GSE1: variants seen among roughly 807,000 people sequenced by gnomAD.
The protein encoded by GSE1 is Gse1 coiled-coil protein, also known as genetic suppressor element 1.
GSE1 carries 32 observed loss-of-function variants against 112.6 expected under a neutral mutation model. The observed-to-expected ratio is 0.28, with a 90% CI of 0.21 to 0.38. The LOEUF is 0.38. Ranked by LOEUF, GSE1 falls within the 10% of genes least tolerant of loss-of-function variation. The probability of loss-of-function intolerance (pLI) is 1.00; values close to 1 mark genes in which losing one functional copy is unlikely to be tolerated. For missense variants in GSE1, 2,348 were observed against 1,699.2 expected (o/e 1.38, Z -6.71); for synonymous variants, 1,115 against 735.6 (o/e 1.52, Z -8.35).
At chr16:85,323,585 C>A (rs1006871468) in intron 1 of GSE1, among the ~76,000 whole-genome samples, 2 of 152,140 alleles carry the variant, frequency 1.3e-5, no homozygotes, top group African/African-American at 4.8e-5. Flanking sequence ...AAATGAGGGA[C>A]CCCAATCCCA....
At chr16:85,327,618 A>C (rs2046253282) in intron 1 of GSE1, among the ~76,000 whole-genome samples, 1 of 152,120 alleles carries the variant, frequency 6.6e-6, no homozygotes, top group Admixed American at 6.5e-5. Context: ...AACAAAACAA[A>C]ACATAAACAA....
intron 2 of GSE1, among the ~76,000 whole-genome samples, chr16:85,469,127 G>C (rs375946045): frequency 7.2e-5 from 11 of 152,200 alleles, no homozygotes; most frequent in Admixed American, 3.3e-4. Flanking sequence ...GTGGTGACAC[G>C]GGCCTGTAAT....
At chr16:85,229,941 G>A (rs1224326714) in intron 1 of GSE1, among the ~76,000 whole-genome samples, 1 of 152,216 alleles carries the variant, frequency 6.6e-6, no homozygotes, top group African/African-American at 2.4e-5. Context: ...TCTCCCAGGA[G>A]GTTTGTGCAA....
intron 1 of GSE1, among the ~76,000 whole-genome samples, chr16:85,199,789 CA>C (rs2074995268): frequency 6.6e-6 from 1 of 152,054 alleles, no homozygotes; most frequent in Non-Finnish European, 1.5e-5. Flanking sequence ...CGGTTTTGAG[CA>C]GGGGTGTGAT....
rs1047001383 is a variant in GSE1 at position 85,419,072 on chromosome 16, G to C, written c.2464+61429G>C. The stretch of plus-strand genomic sequence containing the variant: ...GTTGGATATTTGAGTCTGGAGCTAT[G>C]AATGTGGGCGTCCCAGCGCACAGAT... On this transcript the variant is annotated intron_variant, in intron 2 of 2. Transcript: ENST00000637419. This position sits in a 1 kb window ranked among gnomAD's most constrained non-coding sequence, Gnocchi z 6.5. 5.3e-5 allele frequency among the ~76,000 whole-genome samples: 8 copies of C among 152,160 alleles called. No homozygotes were observed. Among genetic ancestry groups the C allele is most frequent in the African/African-American group, 1.9e-4 (8 of 41,424 alleles).
chr16:85,535,665 T>G (rs1330321750), intron 2 of GSE1, among the ~76,000 whole-genome samples: 3 of 152,114 alleles, frequency 2.0e-5, no homozygotes, highest in Non-Finnish European at 4.4e-5. Context: ...GGACCCCCAG[T>G]AGGTCCTATC....
intron 1 of GSE1, among the ~76,000 whole-genome samples, chr16:85,248,299 C>T (rs541791693): frequency 9.2e-5 from 14 of 152,282 alleles, no homozygotes; most frequent in South Asian, 2.1e-4. Flanking sequence ...CGCCTCTGCC[C>T]GGTTTGGATT....
chr16:85,331,792 C>T (rs1344684903), intron 1 of GSE1, among the ~76,000 whole-genome samples: 1 of 149,876 alleles, frequency 6.7e-6, no homozygotes, highest in Non-Finnish European at 1.5e-5. Flanking sequence ...AAGCGATCTG[C>T]CCACCTCAGC....
chr16:85,213,258 ACT>A (rs2075255967), intron 1 of GSE1, among the ~76,000 whole-genome samples: 1 of 146,152 alleles, frequency 6.8e-6, no homozygotes, highest in South Asian at 2.1e-4. Flanking sequence ...ACAGAGCAAG[ACT>A]CTGTTTCAAA....
intron 1 of GSE1, among the ~76,000 whole-genome samples, chr16:85,562,339 GGGGCCT>G (rs1317439256): frequency 6.6e-6 from 1 of 152,186 alleles, no homozygotes; most frequent in Non-Finnish European, 1.5e-5. Flanking sequence ...CCTTTTCCGA[GGGGCCT>G]GGTCTGGTTC....
intron 1 of GSE1, among the ~76,000 whole-genome samples, chr16:85,198,405 G>T (rs1030432725): frequency 6.6e-6 from 1 of 152,158 alleles, no homozygotes; most frequent in Non-Finnish European, 1.5e-5. Flanking sequence ...CTTGTCCTTG[G>T]ACAGGGTGGG....
At chr16:85,659,576 A>G (rs569843628) in intron 8 of GSE1, 1 of 152,380 alleles carries the variant, frequency 6.6e-6, no homozygotes, top group East Asian at 1.9e-4. Context: ...GGCAGGTCGG[A>G]AATGGAGCAT....
At chr16:85,617,598 C>T (rs1192387403) in intron 1 of GSE1, among the ~76,000 whole-genome samples, 17 of 5,792 alleles carry the variant, frequency 2.9e-3, no homozygotes, top group Non-Finnish European at 8.4e-3. Flanking sequence ...GTCAACCCTC[C>T]CCCCCCCCCC....
At chr16:85,332,485 A>G (rs532247755) in intron 1 of GSE1, among the ~76,000 whole-genome samples, 2 of 152,236 alleles carry the variant, frequency 1.3e-5, no homozygotes, top group South Asian at 2.1e-4. Context: ...TGACTTCCCC[A>G]AGGTCACACA....
intron 2 of GSE1, among the ~76,000 whole-genome samples, chr16:85,506,895 C>T (rs114714620): frequency 6.6e-6 from 1 of 152,256 alleles, no homozygotes; most frequent in Admixed American, 6.5e-5. Context: ...CAGCCACCCT[C>T]CCCTGTTGAG....
chr16:85,545,309 C>G (rs779204524), intron 2 of GSE1, among the ~76,000 whole-genome samples: 11 of 152,196 alleles, frequency 7.2e-5, no homozygotes, highest in African/African-American at 1.9e-4. Flanking sequence ...TTAAAGAGTT[C>G]CCAAATACTG....
intron 2 of GSE1, among the ~76,000 whole-genome samples, chr16:85,363,378 A>T (rs1002999664): frequency 6.6e-6 from 1 of 152,198 alleles, no homozygotes; most frequent in Non-Finnish European, 1.5e-5. Context: ...GCCTCCACCC[A>T]GAGATCCCTT....
At position 85,661,214 on chromosome 16, in the gene GSE1, T is replaced by G; in HGVS notation, c.1709T>G (p.Leu570Arg). The G allele has an allele frequency of 1.2e-6, 2 of 1,608,152 alleles. No homozygotes were observed. The highest frequency in any genetic ancestry group is 1.7e-6 in the Non-Finnish European group (2 of 1,176,154). Residue 570 changes from leucine (L) to arginine (R), a missense_variant, in exon 9 of 16, where the codon CTG (leucine) becomes CGG (arginine). By Grantham distance (102) the Leu-to-Arg change is moderately radical. Transcript: ENST00000253458. ...PPQHFGGPPP[L>R]ISPKPQLHAA... is the part of the protein sequence containing the mutation. ...CAGCACTTTGGGGGGCCACCACCTC[T>G]GATTTCGCCCAAGCCCCAGCTCCAT...
At chr16:85,509,328 A>C (rs2051653918) in intron 2 of GSE1, among the ~76,000 whole-genome samples, 2 of 152,168 alleles carry the variant, frequency 1.3e-5, no homozygotes, top group Admixed American at 6.5e-5. Context: ...TGCGGTCTTC[A>C]GAGGCTGCCT....
Sources: allele counts gnomAD v4.1 joint callset (sites outside exome capture counted in the v4.1 genomes callset), GRCh38; gene constraint gnomAD v4.1.1; non-coding constraint Gnocchi (gnomAD v3.1); transcripts MANE v1.5; gene names NCBI Gene and HGNC (gene_info 2026-07-23, HGNC 2026-07-21).